Variants in GALNT13 observed in about 807,000 individuals in gnomAD.
GALNT13 encodes UDP-GalNAc:polypeptide N-acetylgalactosaminyltransferase 13.
A neutral mutation model predicts 64.2 loss-of-function variants in GALNT13; 28 were observed. The ratio of observed to expected loss-of-function variants is 0.44; its 90% confidence interval spans 0.32 to 0.60. GALNT13 has a LOEUF of 0.60. Among genes scored for constraint, GALNT13 ranks in the 20% least tolerant of loss-of-function variants. The probability of loss-of-function intolerance (pLI) is 0.05; values close to 1 mark genes in which losing one functional copy is unlikely to be tolerated. For synonymous variants in GALNT13, 214 were observed against 224.6 expected (o/e 0.95, Z 0.42); for missense variants, 577 against 669.8 (o/e 0.86, Z 1.53).
chr2:154,198,606 C>T (rs921636839), intron 4 of GALNT13, among the ~76,000 whole-genome samples: 3 of 151,902 alleles, frequency 2.0e-5, no homozygotes, highest in Admixed American at 1.3e-4. Flanking sequence ...GGGAACAAGA[C>T]TTGGAGTCCC....
intron 9 of GALNT13, among the ~76,000 whole-genome samples, chr2:154,357,039 A>G (rs1696790951): frequency 1.3e-5 from 2 of 152,150 alleles, no homozygotes; most frequent in Admixed American, 1.3e-4. Context: ...CTTAGTGTAT[A>G]AAAAAGAACA....
At chr2:153,069,327 A>T in the GALNT13 span, among the ~76,000 whole-genome samples, 1 of 152,130 alleles carries the variant, frequency 6.6e-6, no homozygotes, top group Non-Finnish European at 1.5e-5. Context: ...TCCCTACTTA[A>T]GCAGATTCTT....
chr2:153,627,453 G>A, the GALNT13 span, among the ~76,000 whole-genome samples: 120 of 152,128 alleles, frequency 7.9e-4, no homozygotes, highest in African/African-American at 2.8e-3. Context: ...CTGGACAAAC[G>A]AGCAGCTTAT....
At chr2:153,527,691 C>T in the GALNT13 span, among the ~76,000 whole-genome samples, 2 of 151,908 alleles carry the variant, frequency 1.3e-5, no homozygotes, top group Non-Finnish European at 2.9e-5. Flanking sequence ...AAATGATGAA[C>T]CAATAAAAAA....
the GALNT13 span, among the ~76,000 whole-genome samples, chr2:153,242,111 T>C: frequency 1.3e-5 from 2 of 152,204 alleles, no homozygotes; most frequent in African/African-American, 4.8e-5. Context: ...CTTTGCAAGC[T>C]TGAAACTGGC....
the GALNT13 span, among the ~76,000 whole-genome samples, chr2:153,809,974 T>C: frequency 6.6e-6 from 1 of 152,110 alleles, no homozygotes; most frequent in Non-Finnish European, 1.5e-5. Context: ...TTGTTTTGTT[T>C]TGTTTTGAGA....
chr2:153,296,896 A>G, the GALNT13 span, among the ~76,000 whole-genome samples: 1 of 152,210 alleles, frequency 6.6e-6, no homozygotes, highest in Non-Finnish European at 1.5e-5. Flanking sequence ...CAGGAGAACC[A>G]AGCAGTCATG....
At chr2:153,368,413 C>G in the GALNT13 span, among the ~76,000 whole-genome samples, 2 of 152,100 alleles carry the variant, frequency 1.3e-5, no homozygotes, top group Admixed American at 1.3e-4. Flanking sequence ...TGAATTTGGA[C>G]TTTCCAGGTA....
chr2:154,443,057 G>A (rs1021333322), intron 12 of GALNT13, among the ~76,000 whole-genome samples: 1 of 151,952 alleles, frequency 6.6e-6, no homozygotes, highest in African/African-American at 2.4e-5. Flanking sequence ...CAGGTAAATG[G>A]GATTATAATT....
intron 4 of GALNT13, among the ~76,000 whole-genome samples, chr2:154,234,901 T>C (rs769291110): frequency 6.6e-6 from 1 of 152,136 alleles, no homozygotes; most frequent in Non-Finnish European, 1.5e-5. Flanking sequence ...ATTTGATAGA[T>C]TTATTGTGAA....
chr2:154,083,398 CT>C, intron 3 of GALNT13, among the ~76,000 whole-genome samples: 1 of 151,960 alleles, frequency 6.6e-6, no homozygotes, highest in African/African-American at 2.4e-5. Context: ...TGTATGGGCT[CT>C]TTTTTGGTGC....
At chr2:153,532,563 T>C in the GALNT13 span, among the ~76,000 whole-genome samples, 3 of 152,242 alleles carry the variant, frequency 2.0e-5, no homozygotes, top group African/African-American at 7.2e-5. Context: ...AGCATACTTA[T>C]ATTCCTCCCC....
chr2:153,723,228 A>T, the GALNT13 span, among the ~76,000 whole-genome samples: 1 of 145,696 alleles, frequency 6.9e-6, no homozygotes, highest in African/African-American at 2.6e-5. Flanking sequence ...ATAGATGCAG[A>T]AAAAGCCTTT....
At chr2:153,295,857 G>A in the GALNT13 span, among the ~76,000 whole-genome samples, 23 of 152,290 alleles carry the variant, frequency 1.5e-4, no homozygotes, top group African/African-American at 2.4e-4. Flanking sequence ...AAACCTCAGC[G>A]TTGAAGGCTA....
chr2:153,526,515 G>T, the GALNT13 span, among the ~76,000 whole-genome samples: 1 of 152,328 alleles, frequency 6.6e-6, no homozygotes, highest in Admixed American at 6.5e-5. Flanking sequence ...CCCTAAAGCA[G>T]ATATAGCTTA....
chr2:153,634,041 A>T, the GALNT13 span, among the ~76,000 whole-genome samples: 212 of 152,268 alleles, frequency 1.4e-3, 2 homozygotes, highest in African/African-American at 5.0e-3. Context: ...TCATTGAAAG[A>T]TGTCAGATGT....
the GALNT13 span, among the ~76,000 whole-genome samples, chr2:153,333,458 C>T: frequency 6.6e-6 from 1 of 152,128 alleles, no homozygotes; most frequent in African/African-American, 2.4e-5. Context: ...CTTCACAATT[C>T]TGTGAAGGAA....
At chr2:153,839,177 A>C in the GALNT13 span, among the ~76,000 whole-genome samples, 1 of 151,844 alleles carries the variant, frequency 6.6e-6, no homozygotes, top group Non-Finnish European at 1.5e-5. Context: ...TAATGTTTAG[A>C]GTTTTGTATA....
At chr2:154,153,981 C>T (rs544174866) in intron 4 of GALNT13, among the ~76,000 whole-genome samples, 134 of 152,320 alleles carry the variant, frequency 8.8e-4, no homozygotes, top group African/African-American at 2.9e-3. Flanking sequence ...GAGATGAACC[C>T]GGTACCTCAG....
Sources: gnomAD v4.1 joint callset for allele counts (sites outside exome capture counted in the v4.1 genomes callset) on GRCh38, gnomAD v4.1.1 for gene constraint, MANE v1.5 for transcripts, NCBI Gene and HGNC (gene_info 2026-07-23, HGNC 2026-07-21) for gene names.